MSI2: variants seen among roughly 807,000 people sequenced by gnomAD.
MSI2 encodes the protein musashi RNA binding protein 2.
Under a neutral mutation model 45.6 loss-of-function variants are expected in MSI2, and 17 were observed. The ratio of observed to expected loss-of-function variants is 0.37; its 90% CI spans 0.26 to 0.56. The LOEUF (loss-of-function observed/expected upper bound fraction) is 0.56, where lower values mean the gene tolerates loss of function less well. Among genes scored for constraint, MSI2 ranks in the 20% least tolerant of loss-of-function variants. The pLI, the probability that MSI2 is intolerant of heterozygous loss-of-function variation, is 0.77. For missense variants in MSI2, 293 were observed against 444.2 expected (o/e 0.66, Z 3.06); for synonymous variants, 156 against 158.2 (o/e 0.99, Z 0.11).
At chr17:57,676,118 T>C (rs1370359413) in intron 12 of MSI2, among the ~76,000 whole-genome samples, 1 of 152,240 alleles carries the variant, frequency 6.6e-6, no homozygotes. Context: ...AAGCCCTGAC[T>C]TGGGGGCCAC....
chr17:57,258,392 A>C, intron 4 of MSI2, 38 bp downstream of exon 4: 1 of 1,535,976 alleles, frequency 6.5e-7, no homozygotes, highest in Non-Finnish European at 9.0e-7. Context: ...GCCCCTTTTC[A>C]GGAACGATCT....
rs190892875 is a variant in MSI2, at chr17:57,680,456, C to T, written c.*939C>T. ...CAGTTTGATGCTCTGTGGAAGGAGG[C>T]GGGAAGGGAACGTTGGCCAAGTCAG... On this transcript the variant is annotated 3_prime_UTR_variant, in exon 14 of 14. Transcript: ENST00000284073. 81 of 228,818 alleles carry T rather than the reference C, an allele frequency of 3.5e-4. No homozygotes were observed. The East Asian group carries it at 4.9e-3, about 14-fold the overall frequency. The allele number at this position is 228,818 out of a possible 1,614,324, so 14.2% of individuals were successfully genotyped here.
chr17:57,592,720 G>C (rs1904949715), intron 7 of MSI2, among the ~76,000 whole-genome samples: 1 of 152,184 alleles, frequency 6.6e-6, no homozygotes, highest in Admixed American at 6.5e-5. Context: ...CCAGCGGGGA[G>C]AATATCAGAG....
intron 5 of MSI2, among the ~76,000 whole-genome samples, chr17:57,396,466 TACAA>T (rs2083892745): frequency 6.6e-6 from 1 of 151,632 alleles, no homozygotes; most frequent in South Asian, 2.1e-4. Flanking sequence ...TTTATAAAAA[TACAA>T]ACAGTGGTCC....
intron 5 of MSI2, among the ~76,000 whole-genome samples, chr17:57,326,373 G>A (rs573974926): frequency 6.6e-6 from 1 of 152,256 alleles, no homozygotes; most frequent in Admixed American, 6.5e-5. Context: ...GGGTACTGTA[G>A]GCTATGTGAT....
intron 5 of MSI2, among the ~76,000 whole-genome samples, chr17:57,376,322 C>T (rs1389371783): frequency 6.6e-6 from 1 of 152,212 alleles, no homozygotes; most frequent in Non-Finnish European, 1.5e-5. Flanking sequence ...AAGAGTCTTG[C>T]TCAGGGCCAA....
At chr17:57,622,115 T>C (rs1188349892) in intron 9 of MSI2, among the ~76,000 whole-genome samples, 1 of 152,164 alleles carries the variant, frequency 6.6e-6, no homozygotes. Flanking sequence ...AGAAGAATCT[T>C]GAACCCGGGA....
rs996320465 is a variant in MSI2 at position 57,681,647 on chromosome 17, C to A, written c.*2130C>A. The A allele has an allele frequency of 1.6e-4, 29 of 186,658 alleles. No individual in the cohort carries two copies. The highest frequency in any genetic ancestry group is 3.7e-4 in the Admixed American group (6 of 16,110). 11.6% of individuals were successfully genotyped at this position (186,658 alleles called of 1,614,324 possible). A position where few individuals can be genotyped will look rare whatever the true frequency, so the allele number is the denominator to read the frequency against. On this transcript the variant is annotated 3_prime_UTR_variant, in exon 14 of 14. Coordinates refer to ENST00000284073, the MANE Select transcript of MSI2 (RefSeq NM_138962.4). ...CATTTTTTTTAATTAAAAAAAAAAT[C>A]ATGTTCTTTGTTTTTCTAATAAAAT...
At chr17:57,639,236 C>T (rs1401595369) in intron 10 of MSI2, among the ~76,000 whole-genome samples, 2 of 152,276 alleles carry the variant, frequency 1.3e-5, no homozygotes, top group South Asian at 2.1e-4. Context: ...ACATCCGAGC[C>T]GAGTTTTGGA....
intron 5 of MSI2, among the ~76,000 whole-genome samples, chr17:57,317,528 T>TTTTTTTTG (rs34159167): frequency 7.7e-6 from 1 of 129,502 alleles, no homozygotes; most frequent in Admixed American, 7.8e-5. Context: ...TTTTTTTTTT[T>TTTTTTTTG]GAGACGGGGT....
chr17:57,685,506 A>G (rs1439163303), downstream of MSI2: 1 of 152,212 alleles, frequency 6.6e-6, no homozygotes, highest in African/African-American at 2.4e-5. Flanking sequence ...TCCTGCATAT[A>G]ACAAGTTTAT....
At chr17:57,268,767 G>A (rs1269953315) in intron 5 of MSI2, among the ~76,000 whole-genome samples, 6 of 152,062 alleles carry the variant, frequency 3.9e-5, no homozygotes, top group African/African-American at 9.7e-5. Context: ...TCTGGGAGGC[G>A]GAGGTTGCAG....
intron 6 of MSI2, among the ~76,000 whole-genome samples, chr17:57,524,922 T>A (rs936590973): frequency 6.6e-6 from 1 of 152,232 alleles, no homozygotes; most frequent in Admixed American, 6.5e-5. Flanking sequence ...AAGAGGGGTC[T>A]CTGGGCCAGC....
At chr17:57,297,458 T>A (rs1911079463) in intron 5 of MSI2, among the ~76,000 whole-genome samples, 2 of 152,146 alleles carry the variant, frequency 1.3e-5, no homozygotes, top group South Asian at 4.1e-4. Context: ...AAAAAAAAAT[T>A]GACAAAAATC....
At chr17:57,658,291 C>T (rs926507970) in intron 11 of MSI2, among the ~76,000 whole-genome samples, 1 of 152,168 alleles carries the variant, frequency 6.6e-6, no homozygotes, top group African/African-American at 2.4e-5. Context: ...AAATCTCTGA[C>T]CCACTAGGGC....
chr17:57,308,089 A>G (rs1912065880), intron 5 of MSI2, among the ~76,000 whole-genome samples: 1 of 152,194 alleles, frequency 6.6e-6, no homozygotes, highest in South Asian at 2.1e-4. Flanking sequence ...CCTGAGTTGG[A>G]GTCCTGGCCC....
chr17:57,682,745 G>T lies in MSI2; in HGVS notation c.*3228G>T, dbSNP rs1913691713. The T allele has an allele frequency of 4.5e-6, 1 of 221,634 alleles. No individual in the cohort carries two copies. The allele number at this position is 221,634 out of a possible 1,614,324, so 13.7% of individuals were successfully genotyped here. A position where few individuals can be genotyped will look rare whatever the true frequency, so the allele number is the denominator to read the frequency against. On this transcript the variant is annotated 3_prime_UTR_variant, in exon 14 of 14. Coordinates refer to ENST00000284073, the MANE Select transcript of MSI2 (RefSeq NM_138962.4). The stretch of plus-strand genomic sequence containing the variant: ...GAACCACCTTTCGCCTTCCCTGGGG[G>T]AGAAACCCTCTTGGCTGATGGCTTT...
chr17:57,650,587 C>A (rs2144681637), intron 10 of MSI2, among the ~76,000 whole-genome samples: 1 of 152,280 alleles, frequency 6.6e-6, no homozygotes, highest in South Asian at 2.1e-4. Context: ...AGCTTGGAGA[C>A]CTGCAGCCAG....
chr17:57,429,283 C>T (rs756289564), intron 6 of MSI2, among the ~76,000 whole-genome samples: 126 of 152,110 alleles, frequency 8.3e-4, no homozygotes, highest in Non-Finnish European at 9.3e-4. Context: ...AGGTTGGCCC[C>T]GGTTTTGGAA....
Sources: gnomAD v4.1 joint callset for allele counts (sites outside exome capture counted in the v4.1 genomes callset) on GRCh38, gnomAD v4.1.1 for gene constraint, MANE v1.5 for transcripts, NCBI Gene and HGNC (gene_info 2026-07-23, HGNC 2026-07-21) for gene names.